RIF1: variants seen among roughly 807,000 people sequenced by gnomAD.
RIF1 encodes telomere-associated protein RIF1.
In RIF1, 45 loss-of-function variants were observed where a neutral mutation model predicts 247.1. That is an observed-to-expected ratio of 0.18 (90% CI 0.14 to 0.23). The LOEUF (loss-of-function observed/expected upper bound fraction) is 0.23, where lower values mean the gene tolerates loss of function less well. RIF1 is among the 10% of genes least tolerant of loss of function. The probability of loss-of-function intolerance (pLI) is 1.00; values close to 1 mark genes in which losing one functional copy is unlikely to be tolerated. For synonymous variants in RIF1, 1,087 were observed against 978.8 expected, an observed-to-expected ratio of 1.11 and a Z score of -2.06; for missense variants, 2,967 against 2,862.5, an observed-to-expected ratio of 1.04 and a Z score of -0.83.
intron 21 of RIF1, among the ~76,000 whole-genome samples, chr2:151,454,234 G>A (rs1173864742): frequency 6.6e-6 from 1 of 152,204 alleles, no homozygotes; most frequent in African/African-American, 2.4e-5. Context: ...AGAGAAACAA[G>A]TAATTTTGGA....
At chr2:151,462,745 T>C (rs763283359) in intron 29 of RIF1, 139 bp from the exon 30 acceptor site, 1 of 648,740 alleles carries the variant, frequency 1.5e-6, no homozygotes, top group Non-Finnish European at 2.6e-6. Flanking sequence ...CCACTAACTT[T>C]GGAATAGTTG....
At chr2:151,505,796 A>G (rs1312492598) in intron 12 of RIF1, among the ~76,000 whole-genome samples, 1 of 152,092 alleles carries the variant, frequency 6.6e-6, no homozygotes, top group Non-Finnish European at 1.5e-5. Context: ...TGGGGCAGGG[A>G]TGGGGGCCCC....
chr2:151,424,458 T>C (rs1379182726), intron 8 of RIF1, among the ~76,000 whole-genome samples: 1 of 152,238 alleles, frequency 6.6e-6, no homozygotes, highest in African/African-American at 2.4e-5. Flanking sequence ...TGGATTCTTA[T>C]GGCTGAGTAA....
intron 9 of RIF1, among the ~76,000 whole-genome samples, chr2:151,488,431 G>T (rs2053009875): frequency 6.6e-6 from 1 of 150,382 alleles, no homozygotes; most frequent in Non-Finnish European, 1.5e-5. Flanking sequence ...CAGAGGGCTT[G>T]AGCCTAGGGG....
intron 9 of RIF1, chr2:151,493,625 G>C (rs557748180): frequency 4.1e-6 from 3 of 738,920 alleles, no homozygotes; most frequent in Non-Finnish European, 6.4e-6. Flanking sequence ...CTGTGACCTC[G>C]TGGGGTTGGT....
intron 10 of RIF1, 147 bp downstream of exon 10, chr2:151,433,375 T>A (rs557227006): frequency 1.7e-4 from 84 of 488,826 alleles, no homozygotes; most frequent in Non-Finnish European, 2.3e-4. Flanking sequence ...GGCAGAGAAC[T>A]TAAATTCATT....
At chr2:151,519,037 G>A in the RIF1 span, 2 of 1,613,558 alleles carry the variant, frequency 1.2e-6, no homozygotes, top group Admixed American at 1.7e-5. Context: ...TCACGGGTTT[G>A]TGAAGTTTCT....
chr2:151,501,537 A>AGACTT (rs895224653), intron 11 of RIF1: 23 of 1,024,398 alleles, frequency 2.2e-5, no homozygotes, highest in Admixed American at 1.0e-4. Flanking sequence ...TTTTTTAGGT[A>AGACTT]GACTTAACCT....
chr2:151,506,220 G>T lies in RIF1; in HGVS notation c.*872G>T, dbSNP rs370825760. ...CTCTCATCATCTCAGGTGTCTTTCC[G>T]ATAGCCGTTCCTGGTGAGACATCCT... On this transcript the variant is annotated 3_prime_UTR_variant and NMD_transcript_variant, in exon 13 of 14. Coordinates refer to the RIF1 transcript ENST00000454583. 2 of 1,613,502 alleles carry T rather than the reference G, an allele frequency of 1.2e-6. No homozygotes were observed. The highest frequency in any genetic ancestry group is 1.7e-6 in the Non-Finnish European group (2 of 1,179,580).
chr2:151,534,148 G>T, the RIF1 span: 2 of 1,137,186 alleles, frequency 1.8e-6, no homozygotes, highest in Non-Finnish European at 1.3e-6. Context: ...CAGCAGACGG[G>T]ATGACATCTC....
At chr2:151,458,934 C>G (rs1325876008) in intron 25 of RIF1, 24 bp downstream of exon 25, 2 of 1,392,052 alleles carry the variant, frequency 1.4e-6, no homozygotes, top group Admixed American at 1.9e-5. Flanking sequence ...TTTTATTGTT[C>G]ATTTGTTTTT....
rs1252263654 is a variant in RIF1 at position 151,477,144 on chromosome 2, A to G, written c.*2073A>G. 1 of 152,250 alleles carries G rather than the reference A, an allele frequency of 6.6e-6. No homozygotes were observed. Among genetic ancestry groups the G allele is most frequent in the Non-Finnish European group, 1.5e-5 (1 of 68,038 alleles). 9.4% of individuals were successfully genotyped at this position (152,250 alleles called of 1,614,324 possible). A position where few individuals can be genotyped will look rare whatever the true frequency, so the allele number is the denominator to read the frequency against. On this transcript the variant is annotated 3_prime_UTR_variant, in exon 36 of 36. Transcript: ENST00000444746. ...GCTAAATCTTCATTTTGCTATGGCT[A>G]TAAGCATATATTTTTGGCAACTTAT...
chr2:151,434,587 C>G (rs1007920756), intron 10 of RIF1, among the ~76,000 whole-genome samples: 1 of 151,766 alleles, frequency 6.6e-6, no homozygotes, highest in Admixed American at 6.6e-5. Flanking sequence ...ACTACAGGCG[C>G]CCGCCACCAC....
At chr2:151,534,235 C>T in the RIF1 span, 23 of 1,613,226 alleles carry the variant, frequency 1.4e-5, no homozygotes, top group African/African-American at 1.5e-4. Context: ...TGGTCGCCTG[C>T]GGTCTTAGCC....
chr2:151,490,225 T>C (rs2055189918), intron 9 of RIF1: 1 of 1,183,246 alleles, frequency 8.5e-7, no homozygotes, highest in Non-Finnish European at 1.2e-6. Context: ...TCTAACTTCA[T>C]GCAGCCCTCC....
chr2:151,506,705 C>T (rs563500961), intron 13 of RIF1, among the ~76,000 whole-genome samples: 3 of 152,246 alleles, frequency 2.0e-5, no homozygotes, highest in South Asian at 2.1e-4. Context: ...ATAAAAGTTA[C>T]GTTGTTAGCA....
intron 33 of RIF1, among the ~76,000 whole-genome samples, chr2:151,469,447 C>T (rs1367853151): frequency 1.3e-5 from 2 of 152,086 alleles, no homozygotes; most frequent in African/African-American, 2.4e-5. Context: ...ATTATGTGTA[C>T]TTAAGAATTA....
At chr2:151,490,148 C>A in intron 9 of RIF1, 1 of 1,266,342 alleles carries the variant, frequency 7.9e-7, no homozygotes. Context: ...TGTTTAGCAG[C>A]TGAGTGATGT....
chr2:151,518,324 CTG>C, the RIF1 span: 1 of 1,599,160 alleles, frequency 6.3e-7, no homozygotes, highest in Non-Finnish European at 8.6e-7. Flanking sequence ...TTACTATACT[CTG>C]TAATTCTGTG....
Sources: gnomAD v4.1 joint callset for allele counts (sites outside exome capture counted in the v4.1 genomes callset) on GRCh38, gnomAD v4.1.1 for gene constraint, MANE v1.5 for transcripts, NCBI Gene and HGNC (gene_info 2026-07-23, HGNC 2026-07-21) for gene names.